The following DIAPH2 variants were observed in gnomAD, a reference collection of about 807,000 sequenced individuals.
The protein encoded by DIAPH2 is protein diaphanous homolog 2.
DIAPH2 carries 35 observed loss-of-function variants against 92.7 expected under a neutral mutation model. That is an observed-to-expected ratio of 0.38 (90% CI 0.29 to 0.50). The LOEUF (loss-of-function observed/expected upper bound fraction) is 0.50. DIAPH2 is among the 20% of genes least tolerant of loss of function. DIAPH2 has a pLI of 0.94. For synonymous variants in DIAPH2, 301 were observed against 280.4 expected, an observed-to-expected ratio of 1.07 and a Z score of -0.73; for missense variants, 701 against 819.5, an observed-to-expected ratio of 0.86 and a Z score of 1.77.
At chrX:97,041,118 C>A (rs2066445728) in intron 17 of DIAPH2, among the ~76,000 whole-genome samples, 2 of 110,657 alleles carry the variant, frequency 1.8e-5, no homozygotes, top group Admixed American at 1.9e-4. Flanking sequence ...TTCATTCATT[C>A]ATTTCCTCAT....
At chrX:96,895,820 A>C (rs2065341264) in intron 5 of DIAPH2, among the ~76,000 whole-genome samples, 1 of 112,307 alleles carries the variant, frequency 8.9e-6, no homozygotes, top group Non-Finnish European at 1.9e-5. Flanking sequence ...CAAAAGGATA[A>C]TGAAGTCAAG....
intron 17 of DIAPH2, among the ~76,000 whole-genome samples, chrX:96,974,815 A>T (rs1182882043): frequency 1.8e-5 from 2 of 111,416 alleles, no homozygotes; most frequent in African/African-American, 6.5e-5. Context: ...ATTATATAAG[A>T]TTTAAAGTAA....
At chrX:96,850,083 T>C (rs2039671792) in intron 4 of DIAPH2, among the ~76,000 whole-genome samples, 1 of 111,447 alleles carries the variant, frequency 9.0e-6, no homozygotes, top group Non-Finnish European at 1.9e-5. Context: ...TATTTCCACC[T>C]TTAGTGTCTA....
intron 26 of DIAPH2, among the ~76,000 whole-genome samples, chrX:97,476,545 G>T (rs2070604880): frequency 9.8e-5 from 11 of 111,752 alleles, no homozygotes; most frequent in Non-Finnish European, 1.5e-4. Context: ...ATTCTGAAAT[G>T]TAACCAATAT....
At chrX:97,060,406 G>C (rs1032057381) in intron 17 of DIAPH2, among the ~76,000 whole-genome samples, 2 of 110,503 alleles carry the variant, frequency 1.8e-5, no homozygotes, top group African/African-American at 6.7e-5. Context: ...CAATTTGTAG[G>C]ATTTCTGATT....
chrX:97,323,373 C>G (rs1408930458), intron 23 of DIAPH2, among the ~76,000 whole-genome samples: 1 of 96,899 alleles, frequency 1.0e-5, no homozygotes, highest in Non-Finnish European at 2.1e-5. Context: ...GGGCGGATCA[C>G]GAGGTCAGGA....
chrX:97,063,789 G>A (rs745929723), intron 17 of DIAPH2, among the ~76,000 whole-genome samples: 2 of 112,222 alleles, frequency 1.8e-5, no homozygotes, highest in South Asian at 7.4e-4. Context: ...CAGAAGGAAG[G>A]GGATAAGGAA....
rs1311291042 is a variant in DIAPH2, at chrX:96,751,864, G to A, written c.343-6290G>A. 5.2e-5 allele frequency among the ~76,000 whole-genome samples: 5 copies of A among 95,918 alleles called. 1 individual carries two copies. The highest frequency in any genetic ancestry group is 2.2e-4 in the Admixed American group (2 of 8,948). The allele number at this position is 95,918 out of a possible 115,157, so 83.3% of individuals were successfully genotyped here. ...GAGACAGGGTTTCACCGTTTTAGCC[G>A]GGATGGTCTCGATCTCCTGACCTCG... On this transcript the variant is annotated intron_variant, in intron 3 of 26. Transcript: ENST00000324765.
chrX:96,843,264 G>C (rs943529654), intron 4 of DIAPH2, among the ~76,000 whole-genome samples: 2 of 111,647 alleles, frequency 1.8e-5, no homozygotes, highest in African/African-American at 6.5e-5. Flanking sequence ...TAAGCTTCCA[G>C]AGGCCTCCCA....
intron 17 of DIAPH2, among the ~76,000 whole-genome samples, chrX:97,041,407 A>G (rs2066447641): frequency 1.8e-5 from 2 of 111,682 alleles, no homozygotes; most frequent in South Asian, 7.4e-4. Context: ...AGAGAAGTGC[A>G]GTGTGGGAGC....
intron 4 of DIAPH2, among the ~76,000 whole-genome samples, chrX:96,815,075 A>G (rs1277811400): frequency 8.9e-6 from 1 of 112,264 alleles, no homozygotes; most frequent in Admixed American, 9.4e-5. Flanking sequence ...GAGCTGTCAG[A>G]CAGGGATGTT....
Position 97,105,775 on chromosome X carries a change from T to C in DIAPH2, c.2349+5980T>C, listed in dbSNP as rs193100775. ...CTTTGTTTTTCTGACTTCAAAATTA[T>C]CCATATTTTTCAATTAAAAACATCC... On this transcript the variant is annotated intron_variant, in intron 20 of 26. Transcript: ENST00000324765. 2.7e-5 allele frequency among the ~76,000 whole-genome samples: 3 copies of C among 112,388 alleles called. No individual in the cohort carries two copies. The Admixed American group carries it at 2.8e-4, about 11-fold the overall frequency.
intron 7 of DIAPH2, among the ~76,000 whole-genome samples, chrX:96,913,044 A>G (rs917009509): frequency 3.6e-5 from 4 of 110,425 alleles, no homozygotes; most frequent in African/African-American, 1.3e-4. Context: ...GGATGATATA[A>G]CTTCTGTAGA....
chrX:97,383,874 G>A, intron 24 of DIAPH2, 35 bp from the exon 25 acceptor site: 2 of 1,121,584 alleles, frequency 1.8e-6, no homozygotes, highest in Middle Eastern at 3.0e-4. Flanking sequence ...ATAAGTAATG[G>A]AAAGGTTTCC....
intron 23 of DIAPH2, among the ~76,000 whole-genome samples, chrX:97,315,973 G>A (rs1271574444): frequency 9.0e-6 from 1 of 111,687 alleles, no homozygotes; most frequent in Non-Finnish European, 1.9e-5. Flanking sequence ...TATTTATTAA[G>A]CCGATGATTA....
chrX:96,979,569 G>A (rs2065981565), intron 17 of DIAPH2, among the ~76,000 whole-genome samples: 1 of 112,180 alleles, frequency 8.9e-6, no homozygotes, highest in African/African-American at 3.2e-5. Context: ...TCAGAATGCA[G>A]CCTTCACAAT....
chrX:96,965,177 T>A lies in DIAPH2; in HGVS notation c.2020T>A (p.Leu674Met), dbSNP rs1197718196. 2 of 1,194,116 alleles carry A rather than the reference T, an allele frequency of 1.7e-6. No individual in the cohort carries two copies. The highest frequency in any genetic ancestry group is 3.5e-5 in the African/African-American group (2 of 56,783). Residue 674 changes from leucine to methionine, a missense_variant, in exon 17 of 27, where the codon TTG becomes ATG. Coordinates refer to ENST00000324765, the MANE Select transcript of DIAPH2 (RefSeq NM_006729.5). The part of the protein sequence containing the change: ...KFENPDLFAK[L>M]ALNFATQIKV... ...TGAGAATCCAGATCTCTTTGCCAAA[T>A]TGGCATTGAATTTTGCTACTCAGAT... is the stretch of plus-strand genomic sequence containing the variant.
At chrX:97,051,709 C>T (rs1274686442) in intron 17 of DIAPH2, among the ~76,000 whole-genome samples, 1 of 111,361 alleles carries the variant, frequency 9.0e-6, no homozygotes, top group Non-Finnish European at 1.9e-5. Flanking sequence ...CAGCCAGCTG[C>T]ATTTCCACAG....
At chrX:96,967,231 C>T (rs1413986623) in intron 17 of DIAPH2, among the ~76,000 whole-genome samples, 1 of 110,702 alleles carries the variant, frequency 9.0e-6, no homozygotes, top group Non-Finnish European at 1.9e-5. Context: ...GTGTCTATTC[C>T]CATCTTTGTG....
Sources: gnomAD v4.1 joint callset for allele counts (sites outside exome capture counted in the v4.1 genomes callset) on GRCh38, gnomAD v4.1.1 for gene constraint, MANE v1.5 for transcripts, NCBI Gene and HGNC (gene_info 2026-07-23, HGNC 2026-07-21) for gene names.